Variants in STYK1 observed in about 807,000 individuals in gnomAD.
STYK1 encodes the protein tyrosine-protein kinase STYK1.
In STYK1, 46 loss-of-function variants were observed where a neutral mutation model predicts 48.1. That is an observed-to-expected ratio of 0.96 (90% confidence interval 0.75 to 1.22). The LOEUF is 1.22. STYK1 is among the 50% of genes most tolerant of loss of function. The pLI is 0.00. For missense variants in STYK1, 527 were observed against 521.1 expected (o/e 1.01, Z -0.11); for synonymous variants, 188 against 189.0 (o/e 0.99, Z 0.04).
intron 9 of STYK1, 25 bp from the exon 10 acceptor site, chr12:10,621,997 C>G (rs750090384): frequency 6.3e-7 from 1 of 1,592,226 alleles, no homozygotes; most frequent in Non-Finnish European, 8.6e-7. Flanking sequence ...ATAATGAGAA[C>G]TTTAAGGTCC....
intron 1 of STYK1, among the ~76,000 whole-genome samples, chr12:10,637,401 G>T (rs995699662): frequency 2.0e-5 from 3 of 148,474 alleles, no homozygotes; most frequent in Non-Finnish European, 4.4e-5. Context: ...GCAGTGGCGT[G>T]ATCTCTGCTC....
Position 10,620,337 on chromosome 12 carries a change from A to G in STYK1, c.1076T>C (p.Met359Thr), listed in dbSNP as rs1226561239. The G allele has an allele frequency of 6.2e-7, 1 of 1,613,016 alleles. No homozygotes were observed. The highest frequency in any genetic ancestry group is 1.1e-5 in the South Asian group (1 of 91,020). ...CTCACGCCAGCGCCAGCAGGACTTC[A>G]TGATACTGTACCTGAGAGGGAAACA... is the stretch of plus-strand genomic sequence containing the variant. ...SSCTHTMYSI[M>T]KSCWRWREAD... The change falls in exon 11 of 11, where the codon ATG (methionine) becomes ACG (threonine). Residue 359 changes from methionine to threonine, a missense_variant. Met to Thr is a moderately conservative substitution (Grantham distance 81). Coordinates refer to ENST00000075503, the MANE Select transcript of STYK1 (RefSeq NM_018423.3).
intron 7 of STYK1, among the ~76,000 whole-genome samples, chr12:10,626,008 A>G (rs1450534857): frequency 6.6e-6 from 1 of 152,210 alleles, no homozygotes. Context: ...ACTATACATG[A>G]CTGAAGATCT....
intron 1 of STYK1, among the ~76,000 whole-genome samples, chr12:10,649,050 T>C (rs946180822): frequency 6.6e-6 from 1 of 152,206 alleles, no homozygotes. Context: ...ATGTCAATTA[T>C]ATGTATGTTT....
chr12:10,633,993 G>A lies in STYK1; in HGVS notation c.184C>T (p.Gln62Ter). 1.9e-6 allele frequency: 3 copies of A among 1,613,352 alleles called. No homozygotes were observed. The highest frequency in any genetic ancestry group is 2.5e-6 in the Non-Finnish European group (3 of 1,179,776). ...QRTQQQRSGPQGIAPVPPPRD... is the reference protein window; with the variant it reads ...QRTQQQRSGP ...AGCCCCAAAGTTTGAGCTTTACCTT[G>A]AGGTCCAGAACGCTGCTGTTGAGTT... is the stretch of plus-strand genomic sequence containing the variant. The change falls in exon 4 of 11, where the codon CAA (glutamine) becomes TAA (stop). Residue 62 changes from glutamine to a stop codon, truncating the protein, a stop_gained. Transcript: ENST00000075503. LOFTEE classifies it high-confidence loss of function.
intron 1 of STYK1, among the ~76,000 whole-genome samples, chr12:10,641,170 G>A (rs1357075353): frequency 6.6e-6 from 1 of 152,130 alleles, no homozygotes; most frequent in Admixed American, 6.5e-5. Flanking sequence ...ATCAGTGAGA[G>A]GGAAAAGCTG....
At chr12:10,671,545 A>G (rs1275813502) in intron 1 of STYK1, among the ~76,000 whole-genome samples, 1 of 152,170 alleles carries the variant, frequency 6.6e-6, no homozygotes, top group Non-Finnish European at 1.5e-5. Context: ...GCCTCTAGAG[A>G]CTGAAGGAGG....
intron 1 of STYK1, among the ~76,000 whole-genome samples, chr12:10,657,937 G>C (rs1020173056): frequency 2.6e-5 from 4 of 152,174 alleles, no homozygotes; most frequent in Non-Finnish European, 5.9e-5. Flanking sequence ...AGAAGGCATG[G>C]GAATGTGAAT....
intron 1 of STYK1, among the ~76,000 whole-genome samples, chr12:10,642,749 G>C (rs994647955): frequency 6.6e-6 from 1 of 152,144 alleles, no homozygotes; most frequent in Non-Finnish European, 1.5e-5. Context: ...TAGTACAGCT[G>C]CCAGTAGATA....
intron 1 of STYK1, among the ~76,000 whole-genome samples, chr12:10,644,122 T>G (rs1947575147): frequency 6.6e-6 from 1 of 152,190 alleles, no homozygotes; most frequent in South Asian, 2.1e-4. Flanking sequence ...CCGTATAATA[T>G]TTCCAAAATG....
At chr12:10,662,199 G>A (rs1008190078) in intron 1 of STYK1, among the ~76,000 whole-genome samples, 2 of 151,966 alleles carry the variant, frequency 1.3e-5, no homozygotes, top group African/African-American at 2.4e-5. Flanking sequence ...TGAGAACTTC[G>A]TTCCTTTTTG....
intron 3 of STYK1, among the ~76,000 whole-genome samples, chr12:10,634,346 C>T (rs1334999566): frequency 6.6e-6 from 1 of 152,274 alleles, no homozygotes; most frequent in East Asian, 1.9e-4. Context: ...CATGACGTTG[C>T]TTCTGGCAGT....
intron 1 of STYK1, among the ~76,000 whole-genome samples, chr12:10,667,009 T>C (rs1396679576): frequency 1.3e-5 from 2 of 152,236 alleles, no homozygotes; most frequent in Non-Finnish European, 2.9e-5. Flanking sequence ...ACCTTTGGCA[T>C]TTACTACTGT....
intron 7 of STYK1, among the ~76,000 whole-genome samples, chr12:10,627,291 C>T (rs955562879): frequency 6.6e-6 from 1 of 152,156 alleles, no homozygotes; most frequent in Non-Finnish European, 1.5e-5. Context: ...CCCTATCTGT[C>T]TCTTTTAATT....
chr12:10,656,780 T>A (rs542325042), intron 1 of STYK1, among the ~76,000 whole-genome samples: 1 of 152,270 alleles, frequency 6.6e-6, no homozygotes, highest in Admixed American at 6.5e-5. Flanking sequence ...TTGCCACAGA[T>A]CCTGTTTTGG....
At chr12:10,637,641 G>A (rs1364400294) in intron 1 of STYK1, among the ~76,000 whole-genome samples, 2 of 152,050 alleles carry the variant, frequency 1.3e-5, no homozygotes, top group Non-Finnish European at 1.5e-5. Context: ...GCGCCTGGCC[G>A]AGTCTAGGAT....
At chr12:10,657,273 C>T (rs552987515) in intron 1 of STYK1, among the ~76,000 whole-genome samples, 7 of 152,122 alleles carry the variant, frequency 4.6e-5, no homozygotes, top group East Asian at 3.9e-4. Context: ...CTCCCTGAAG[C>T]CAGTAATTCA....
chr12:10,655,502 C>T (rs920677945), intron 1 of STYK1, among the ~76,000 whole-genome samples: 15 of 152,150 alleles, frequency 9.9e-5, no homozygotes, highest in African/African-American at 2.9e-4. Context: ...CCTGGTTCAG[C>T]GTTCAATTTC....
Position 10,624,857 on chromosome 12 carries a change from T to TAAAA in STYK1, c.719_720insTTTT (p.Glu240AspfsTer24). On this transcript the variant is annotated frameshift_variant and splice_region_variant, in exon 8 of 11. Coordinates refer to ENST00000075503, the MANE Select transcript of STYK1 (RefSeq NM_018423.3). LOFTEE classifies it high-confidence loss of function. The stretch of plus-strand genomic sequence containing the variant: ...GGAACAAATGCTTCTCCTGCAGGAA[T>TAAAA]TCCTGTCAAGATAAAATCAAATATG... The TAAAA allele has an allele frequency of 6.2e-7, 1 of 1,614,044 alleles. No individual in the cohort carries two copies.
Sources: gnomAD v4.1 joint callset for allele counts (sites outside exome capture counted in the v4.1 genomes callset) on GRCh38, gnomAD v4.1.1 for gene constraint, MANE v1.5 for transcripts, NCBI Gene and HGNC (gene_info 2026-07-23, HGNC 2026-07-21) for gene names.